Variants in ROR1 observed in about 807,000 individuals in gnomAD.
ROR1 encodes the protein ROR family WNT receptor 1.
Under a neutral mutation model 78.8 loss-of-function variants are expected in ROR1, and 19 were observed. The ratio of observed to expected loss-of-function variants is 0.24; its 90% confidence interval spans 0.17 to 0.35. The LOEUF (loss-of-function observed/expected upper bound fraction) is 0.35, where lower values mean the gene tolerates loss of function less well. ROR1 is among the 10% of genes least tolerant of loss of function. ROR1 has a pLI of 1.00. For missense variants in ROR1, 917 were observed against 1,177.8 expected (o/e 0.78, Z 3.24); for synonymous variants, 386 against 433.6 (o/e 0.89, Z 1.36).
intron 1 of ROR1, among the ~76,000 whole-genome samples, chr1:63,933,142 A>C (rs1381274839): frequency 1.3e-5 from 2 of 152,164 alleles, no homozygotes; most frequent in African/African-American, 4.8e-5. Context: ...CAAATGGAAA[A>C]TGACCAAGAG....
At chr1:63,896,066 G>A (rs1569874309) in intron 1 of ROR1, among the ~76,000 whole-genome samples, 1 of 152,010 alleles carries the variant, frequency 6.6e-6, no homozygotes, top group East Asian at 1.9e-4. Context: ...TAGATGAGTG[G>A]CTAACCCCTG....
chr1:63,898,327 T>C (rs1645457137), intron 1 of ROR1, among the ~76,000 whole-genome samples: 1 of 151,290 alleles, frequency 6.6e-6, no homozygotes, highest in African/African-American at 2.4e-5. Context: ...AAAAAAATCG[T>C]TTTTCTGTTG....
At chr1:64,081,915 CTTTGT>C (rs1007617349) in intron 4 of ROR1, among the ~76,000 whole-genome samples, 18 of 151,922 alleles carry the variant, frequency 1.2e-4, no homozygotes, top group African/African-American at 2.4e-5. Flanking sequence ...AGAGTTTATA[CTTTGT>C]TTTATGTTAG....
At chr1:63,930,172 G>A (rs548296868) in intron 1 of ROR1, among the ~76,000 whole-genome samples, 49 of 152,178 alleles carry the variant, frequency 3.2e-4, no homozygotes, top group African/African-American at 1.2e-3. Context: ...GAGTCCATGT[G>A]TTTTCATTGT....
chr1:63,824,281 C>T (rs1341124126), intron 1 of ROR1, among the ~76,000 whole-genome samples: 1 of 152,086 alleles, frequency 6.6e-6, no homozygotes, highest in African/African-American at 2.4e-5. Context: ...TGCAACTATT[C>T]CACTCTGCTC....
rs369998931 is a variant in ROR1 at position 64,057,215 on chromosome 1, T to A, written c.482+6499T>A. 2.2e-4 allele frequency among the ~76,000 whole-genome samples: 34 copies of A among 152,336 alleles called. No homozygotes were observed. The South Asian group carries it at 6.6e-3, about 30-fold the overall frequency. ...AGGTGGGAGTCCAGGTTCATTCTTT[T>A]GCATGTGGATATCCTGTTGTTCCAA... On this transcript the variant is annotated intron_variant, in intron 4 of 8. Transcript: ENST00000371079.
intron 4 of ROR1, 129 bp downstream of exon 4, chr1:64,050,845 C>T (rs1282673892): frequency 5.6e-6 from 5 of 887,028 alleles, no homozygotes; most frequent in Non-Finnish European, 9.5e-6. Flanking sequence ...TTGCCCTGCC[C>T]TCATTCCATT....
chr1:63,782,444 C>T (rs1473249068), intron 1 of ROR1, among the ~76,000 whole-genome samples: 1 of 152,004 alleles, frequency 6.6e-6, no homozygotes, highest in Non-Finnish European at 1.5e-5. Context: ...GTGGAAAGAG[C>T]CTGAGACTCT....
chr1:64,067,440 G>A (rs1345679954), intron 4 of ROR1, among the ~76,000 whole-genome samples: 8 of 81,542 alleles, frequency 9.8e-5, no homozygotes, highest in East Asian at 7.1e-4. Flanking sequence ...GCGAGCCTCC[G>A]TCTCAAAAAA....
At chr1:63,897,124 G>A (rs1277579319) in intron 1 of ROR1, among the ~76,000 whole-genome samples, 1 of 152,148 alleles carries the variant, frequency 6.6e-6, no homozygotes, top group South Asian at 2.1e-4. Context: ...CTGCCCTTTG[G>A]CCCTTTCACG....
intron 1 of ROR1, among the ~76,000 whole-genome samples, chr1:63,832,549 G>A (rs1476869282): frequency 6.6e-6 from 1 of 152,156 alleles, no homozygotes; most frequent in African/African-American, 2.4e-5. Flanking sequence ...CAGTGATGTG[G>A]CTTTGGGAAT....
intron 2 of ROR1, among the ~76,000 whole-genome samples, chr1:64,041,546 G>A (rs1178017351): frequency 2.0e-5 from 3 of 152,158 alleles, no homozygotes; most frequent in Non-Finnish European, 4.4e-5. Context: ...AACTATAAAG[G>A]TGGCTGTCTT....
intron 1 of ROR1, among the ~76,000 whole-genome samples, chr1:63,907,192 G>A (rs1477869326): frequency 6.6e-6 from 1 of 152,142 alleles, no homozygotes; most frequent in African/African-American, 2.4e-5. Context: ...GACATTCTAG[G>A]CTGAGAGTGG....
chr1:64,170,319 ACAC>A (rs1246924198), intron 8 of ROR1, among the ~76,000 whole-genome samples: 1 of 152,166 alleles, frequency 6.6e-6, no homozygotes, highest in Non-Finnish European at 1.5e-5. Flanking sequence ...TGCAGGCTCA[ACAC>A]CACATGGAAG....
Position 64,180,295 on chromosome 1 carries a change from A to G in ROR1, c.*1440A>G, listed in dbSNP as rs1157838099. 5 of 152,226 alleles carry G rather than the reference A, an allele frequency of 3.3e-5. No individual in the cohort carries two copies. The highest frequency in any genetic ancestry group is 1.2e-4 in the African/African-American group (5 of 41,468). 9.4% of individuals were successfully genotyped at this position (152,226 alleles called of 1,614,324 possible). Reference sequence around the variant, plus strand: ...AAAAAACTCCTTTATTCTAAGAACAATGTCTCAAAGTCTCATTTTTACTTT... The same window carrying G: ...AAAAAACTCCTTTATTCTAAGAACAGTGTCTCAAAGTCTCATTTTTACTTT... On this transcript the variant is annotated 3_prime_UTR_variant, in exon 9 of 9. Transcript: ENST00000371079.
Position 63,822,346 on chromosome 1 carries a change from CTAAT to C in ROR1, c.91+47841_91+47844del, listed in dbSNP as rs1644928408. ...TAGTTTGCTTGCATTAATTAATCAA[CTAAT>C]TATTAATTAATGAATGATTTTATTC... On this transcript the variant is annotated intron_variant, in intron 1 of 8. Coordinates refer to ENST00000371079, the MANE Select transcript of ROR1 (RefSeq NM_005012.4). Among the ~76,000 whole-genome samples the C allele has an allele frequency of 2.0e-5, 3 of 152,288 alleles. No homozygotes were observed. In the South Asian group the frequency reaches 6.2e-4, roughly 32 times the overall value.
At chr1:63,776,995 T>C (rs1644620871) in intron 1 of ROR1, among the ~76,000 whole-genome samples, 1 of 152,224 alleles carries the variant, frequency 6.6e-6, no homozygotes, top group Admixed American at 6.5e-5. Context: ...CATGTATTTA[T>C]TTAAAAAGAT....
At chr1:63,989,356 A>C (rs777485169) in intron 1 of ROR1, among the ~76,000 whole-genome samples, 1 of 152,074 alleles carries the variant, frequency 6.6e-6, no homozygotes, top group Non-Finnish European at 1.5e-5. Flanking sequence ...ATGAAATGAG[A>C]AAATTCATGT....
Position 63,940,530 on chromosome 1 carries a change from T to A in ROR1, c.92-68775T>A, listed in dbSNP as rs79574968. Reference sequence around the variant, plus strand: ...ATAGATAGATAGATAGATAGATAGATAGATAGATAGATAATGTGAAGGAAA... The same window carrying A: ...ATAGATAGATAGATAGATAGATAGAAAGATAGATAGATAATGTGAAGGAAA... On this transcript the variant is annotated intron_variant, in intron 1 of 8. Coordinates refer to ENST00000371079, the MANE Select transcript of ROR1 (RefSeq NM_005012.4). Among the ~76,000 whole-genome samples, 1,259 of 142,832 alleles carry A rather than the reference T, an allele frequency of 8.8e-3. 16 individuals are homozygous for A. The highest frequency in any genetic ancestry group is 0.03 in the African/African-American group (1,190 of 39,676). The allele number at this position is 142,832 out of a possible 152,430, so 93.7% of individuals were successfully genotyped here.
Sources: gnomAD v4.1 joint callset for allele counts (sites outside exome capture counted in the v4.1 genomes callset) on GRCh38, gnomAD v4.1.1 for gene constraint, MANE v1.5 for transcripts, NCBI Gene and HGNC (gene_info 2026-07-23, HGNC 2026-07-21) for gene names.